The following CTNND2 variants were observed in gnomAD, a reference collection of about 807,000 sequenced individuals.
The protein encoded by CTNND2 is catenin delta-2.
In CTNND2, 22 loss-of-function variants were observed where a neutral mutation model predicts 144.4. The observed-to-expected ratio is 0.15, with a 90% CI of 0.11 to 0.22. The LOEUF (loss-of-function observed/expected upper bound fraction) is 0.22, where lower values mean the gene tolerates loss of function less well. Ranked by LOEUF, CTNND2 falls within the 10% of genes least tolerant of loss-of-function variation. CTNND2 has a pLI of 1.00. For missense variants in CTNND2, 1,353 were observed against 1,618.8 expected (o/e 0.84, Z 2.82); for synonymous variants, 751 against 695.6 (o/e 1.08, Z -1.25).
At chr5:11,567,887 T>C (rs1195691592) in intron 2 of CTNND2, among the ~76,000 whole-genome samples, 2 of 152,224 alleles carry the variant, frequency 1.3e-5, no homozygotes, top group South Asian at 2.1e-4. Context: ...TTTTACTTCT[T>C]GGGTTCTGGA....
intron 3 of CTNND2, among the ~76,000 whole-genome samples, chr5:11,541,838 A>ATCC (rs1774767425): frequency 1.3e-5 from 1 of 75,092 alleles, no homozygotes; most frequent in African/African-American, 5.8e-5. Context: ...TTTATTATCG[A>ATCC]CCCCCCCCCC....
intron 1 of CTNND2, among the ~76,000 whole-genome samples, chr5:11,765,114 T>A (rs577207253): frequency 8.3e-4 from 106 of 128,264 alleles, no homozygotes; most frequent in Non-Finnish European, 1.1e-3. Flanking sequence ...GCATAGAGAA[T>A]ACCAGACCAA....
chr5:11,703,169 A>G (rs1381882705), intron 2 of CTNND2, among the ~76,000 whole-genome samples: 1 of 152,232 alleles, frequency 6.6e-6, no homozygotes, highest in African/African-American at 2.4e-5. Flanking sequence ...ATTCATTCCA[A>G]GAAGAATCAT....
chr5:11,466,568 TTC>T (rs1201197346), intron 3 of CTNND2, among the ~76,000 whole-genome samples: 23 of 152,330 alleles, frequency 1.5e-4, no homozygotes, highest in African/African-American at 5.5e-4. Context: ...ATGTAATCTC[TTC>T]TCTCTTCCTT....
intron 3 of CTNND2, among the ~76,000 whole-genome samples, chr5:11,516,142 A>G (rs1772146177): frequency 6.6e-6 from 1 of 152,160 alleles, no homozygotes; most frequent in Admixed American, 6.5e-5. Context: ...CAATAATTGC[A>G]TTATTATCAA....
chr5:10,996,415 G>A (rs1739352890), intron 18 of CTNND2, among the ~76,000 whole-genome samples: 2 of 125,294 alleles, frequency 1.6e-5, no homozygotes, highest in Admixed American at 2.1e-4. Flanking sequence ...TGAGGAGGGG[G>A]CAAGAAAGAC....
At chr5:11,678,593 AT>A (rs1784283338) in intron 2 of CTNND2, among the ~76,000 whole-genome samples, 1 of 152,158 alleles carries the variant, frequency 6.6e-6, no homozygotes, top group Non-Finnish European at 1.5e-5. Context: ...ACTATTGATC[AT>A]TGATATGAGC....
intron 1 of CTNND2, among the ~76,000 whole-genome samples, chr5:11,761,068 G>T (rs1789234793): frequency 6.6e-6 from 1 of 152,092 alleles, no homozygotes; most frequent in Non-Finnish European, 1.5e-5. Context: ...GTGGCTACTG[G>T]TACTTGATGA....
chr5:11,217,714 C>T (rs1159023951), intron 10 of CTNND2, among the ~76,000 whole-genome samples: 1 of 152,180 alleles, frequency 6.6e-6, no homozygotes, highest in East Asian at 1.9e-4. Flanking sequence ...TGCAAGCATT[C>T]TCTACCAGTG....
intron 9 of CTNND2, among the ~76,000 whole-genome samples, chr5:11,321,437 A>G (rs1752021455): frequency 1.3e-5 from 2 of 152,230 alleles, no homozygotes; most frequent in African/African-American, 4.8e-5. Flanking sequence ...GTAGCCACCA[A>G]GCCAGGGACA....
chr5:11,819,702 G>A (rs758546494), intron 1 of CTNND2, among the ~76,000 whole-genome samples: 5 of 152,108 alleles, frequency 3.3e-5, no homozygotes, highest in Non-Finnish European at 7.4e-5. Flanking sequence ...CTCTTTCACT[G>A]TATAGCCCTG....
intron 11 of CTNND2, among the ~76,000 whole-genome samples, chr5:11,191,661 G>A (rs772743207): frequency 3.9e-5 from 6 of 152,158 alleles, no homozygotes; most frequent in African/African-American, 1.4e-4. Flanking sequence ...GTGTGTGCAC[G>A]TACCCCCTGC....
chr5:11,457,921 G>T (rs1056124562), intron 3 of CTNND2, among the ~76,000 whole-genome samples: 3 of 152,136 alleles, frequency 2.0e-5, no homozygotes. Flanking sequence ...CTGATGAGAC[G>T]CAAGACACTG....
chr5:11,404,633 T>TTTTTTTTTTTTTTTTC, intron 5 of CTNND2, among the ~76,000 whole-genome samples: 1 of 129,046 alleles, frequency 7.7e-6, no homozygotes, highest in Non-Finnish European at 1.5e-5. Flanking sequence ...TTTTTTTTTT[T>TTTTTTTTTTTTTTTTC]TTTAGACAAA....
At chr5:11,228,020 T>C (rs570890175) in intron 10 of CTNND2, among the ~76,000 whole-genome samples, 31 of 152,206 alleles carry the variant, frequency 2.0e-4, no homozygotes, top group Non-Finnish European at 3.5e-4. Flanking sequence ...TGGCTTCATC[T>C]CTTCATCATG....
chr5:11,137,337 T>A (rs1178929316), intron 12 of CTNND2, among the ~76,000 whole-genome samples: 2 of 152,198 alleles, frequency 1.3e-5, no homozygotes. Context: ...GAAATTTGAT[T>A]TTTTTCATGC....
chr5:11,491,558 T>C (rs922143110), intron 3 of CTNND2, among the ~76,000 whole-genome samples: 2 of 152,154 alleles, frequency 1.3e-5, no homozygotes, highest in Non-Finnish European at 2.9e-5. Context: ...CTCCAGAGTT[T>C]AAAATCTTAA....
intron 8 of CTNND2, among the ~76,000 whole-genome samples, chr5:11,356,210 GAAAC>G (rs3034057): frequency 0.25 from 38,280 of 151,548 alleles, 4,906 homozygotes; most frequent in African/African-American, 0.29. Flanking sequence ...AAATTGGTAT[GAAAC>G]AAACAAAAAA....
intron 1 of CTNND2, among the ~76,000 whole-genome samples, chr5:11,803,835 T>C (rs974245818): frequency 5.3e-5 from 8 of 152,330 alleles, no homozygotes; most frequent in Non-Finnish European, 1.0e-4. Flanking sequence ...TGGTCTGCAA[T>C]ATTGCAATAT....
Sources: gnomAD v4.1 joint callset for allele counts (sites outside exome capture counted in the v4.1 genomes callset) on GRCh38, gnomAD v4.1.1 for gene constraint, MANE v1.5 for transcripts, NCBI Gene and HGNC (gene_info 2026-07-23, HGNC 2026-07-21) for gene names.